GPC5: variants seen among roughly 807,000 people sequenced by gnomAD.
GPC5 encodes glypican-5.
Under a neutral mutation model 53.9 loss-of-function variants are expected in GPC5, and 47 were observed. The observed-to-expected ratio is 0.87, with a 90% confidence interval of 0.69 to 1.11. GPC5 has a LOEUF of 1.11. GPC5 is among the 50% of genes most tolerant of loss of function. The pLI, the probability that GPC5 is intolerant of heterozygous loss-of-function variation, is 0.00. For missense variants in GPC5, 748 were observed against 713.1 expected (o/e 1.05, Z -0.56); for synonymous variants, 286 against 263.3 (o/e 1.09, Z -0.84).
intron 2 of GPC5, among the ~76,000 whole-genome samples, chr13:91,538,839 T>C (rs5805704): frequency 0.08 from 11,068 of 138,092 alleles, 473 homozygotes; most frequent in Non-Finnish European, 0.089. Flanking sequence ...CGCCCCCCCC[T>C]CAGCCTCCCA....
intron 7 of GPC5, among the ~76,000 whole-genome samples, chr13:92,478,753 G>T (rs1205653654): frequency 6.6e-6 from 1 of 152,148 alleles, no homozygotes; most frequent in Non-Finnish European, 1.5e-5. Context: ...GAGTCCCACC[G>T]CAGGGCTTGA....
At chr13:91,863,972 TTGAG>T (rs1466273677) in intron 5 of GPC5, among the ~76,000 whole-genome samples, 1 of 152,232 alleles carries the variant, frequency 6.6e-6, no homozygotes, top group East Asian at 1.9e-4. Context: ...AAAGAAGTTA[TTGAG>T]TATTATTTAC....
intron 7 of GPC5, among the ~76,000 whole-genome samples, chr13:92,596,377 A>ATAT (rs1883881756): frequency 6.6e-6 from 1 of 152,178 alleles, no homozygotes; most frequent in Non-Finnish European, 1.5e-5. Context: ...CCCAACTAAG[A>ATAT]TATTAGAAAA....
chr13:92,772,009 A>G (rs1017323458), intron 7 of GPC5, among the ~76,000 whole-genome samples: 2 of 152,174 alleles, frequency 1.3e-5, no homozygotes, highest in African/African-American at 4.8e-5. Context: ...CTCATCTCCA[A>G]AATAATGAAT....
chr13:92,422,760 T>A (rs146896049), intron 7 of GPC5, among the ~76,000 whole-genome samples: 1 of 152,278 alleles, frequency 6.6e-6, no homozygotes, highest in African/African-American at 2.4e-5. Flanking sequence ...AAGTTGCCAT[T>A]TTTCTTTATA....
intron 7 of GPC5, among the ~76,000 whole-genome samples, chr13:92,823,149 G>A (rs1303863126): frequency 6.6e-6 from 1 of 152,038 alleles, no homozygotes; most frequent in Non-Finnish European, 1.5e-5. Flanking sequence ...AAATATTGCT[G>A]CCACTTAAAC....
At chr13:91,968,760 G>C (rs1345959713) in intron 6 of GPC5, among the ~76,000 whole-genome samples, 1 of 151,276 alleles carries the variant, frequency 6.6e-6, no homozygotes, top group African/African-American at 2.4e-5. Context: ...CTGCGCCCGG[G>C]CAATAATTCT....
chr13:92,279,255 C>T (rs1363582029), intron 7 of GPC5, among the ~76,000 whole-genome samples: 1 of 151,970 alleles, frequency 6.6e-6, no homozygotes, highest in African/African-American at 2.4e-5. Context: ...CTTACTTCTT[C>T]CTATGTATTG....
intron 7 of GPC5, among the ~76,000 whole-genome samples, chr13:92,746,685 A>AT (rs1889248822): frequency 6.6e-6 from 1 of 152,116 alleles, no homozygotes; most frequent in Admixed American, 6.6e-5. Context: ...GATTTCGTAG[A>AT]TTTTTAAGGA....
intron 6 of GPC5, among the ~76,000 whole-genome samples, chr13:91,988,901 A>G (rs2040432804): frequency 6.6e-6 from 1 of 152,004 alleles, no homozygotes; most frequent in African/African-American, 2.4e-5. Flanking sequence ...ATTGATTATC[A>G]TGTTTGAAAT....
At chr13:92,072,211 A>G (rs2041217958) in intron 6 of GPC5, among the ~76,000 whole-genome samples, 1 of 148,900 alleles carries the variant, frequency 6.7e-6, no homozygotes, top group Non-Finnish European at 1.5e-5. Flanking sequence ...ATGTATATAT[A>G]AATATATTTA....
intron 5 of GPC5, among the ~76,000 whole-genome samples, chr13:91,844,201 G>A (rs2038822744): frequency 6.6e-6 from 1 of 152,164 alleles, no homozygotes; most frequent in African/African-American, 2.4e-5. Flanking sequence ...TAAGAACAGA[G>A]TTTAAGGAAA....
chr13:92,606,287 T>C (rs1411496273), intron 7 of GPC5, among the ~76,000 whole-genome samples: 4 of 152,130 alleles, frequency 2.6e-5, no homozygotes, highest in Non-Finnish European at 4.4e-5. Flanking sequence ...CCACCCTTTG[T>C]CCAAGTGTTC....
intron 7 of GPC5, among the ~76,000 whole-genome samples, chr13:92,422,203 A>G (rs1014328337): frequency 6.6e-6 from 1 of 152,064 alleles, no homozygotes; most frequent in African/African-American, 2.4e-5. Context: ...AGTTTCTGAA[A>G]CTGAAGAGAA....
intron 2 of GPC5, among the ~76,000 whole-genome samples, chr13:91,473,271 G>C (rs775234995): frequency 1.3e-5 from 2 of 151,998 alleles, no homozygotes; most frequent in Non-Finnish European, 2.9e-5. Flanking sequence ...ATTACAGTTC[G>C]AGATGAGATT....
At chr13:91,850,063 A>G (rs2038896266) in intron 5 of GPC5, among the ~76,000 whole-genome samples, 2 of 152,172 alleles carry the variant, frequency 1.3e-5, no homozygotes, top group Admixed American at 1.3e-4. Flanking sequence ...GATTACTTGT[A>G]TCTTTCAACG....
At chr13:91,890,209 G>A (rs1400565716) in intron 5 of GPC5, among the ~76,000 whole-genome samples, 2 of 152,160 alleles carry the variant, frequency 1.3e-5, no homozygotes, top group Non-Finnish European at 2.9e-5. Context: ...TAAGATTGTG[G>A]TTTTTGCAGT....
At chr13:92,834,050 T>G (rs1878141085) in intron 7 of GPC5, among the ~76,000 whole-genome samples, 1 of 152,132 alleles carries the variant, frequency 6.6e-6, no homozygotes, top group Non-Finnish European at 1.5e-5. Context: ...AATAATGGTC[T>G]GGATTAGGGT....
At chr13:92,567,462 A>C (rs1882895449) in intron 7 of GPC5, among the ~76,000 whole-genome samples, 2 of 152,156 alleles carry the variant, frequency 1.3e-5, no homozygotes, top group African/African-American at 4.8e-5. Flanking sequence ...GTGTTCAGTT[A>C]CATGATCAAG....
Sources: allele counts gnomAD v4.1 joint callset (sites outside exome capture counted in the v4.1 genomes callset), GRCh38; gene constraint gnomAD v4.1.1; transcripts MANE v1.5; gene names NCBI Gene and HGNC (gene_info 2026-07-23, HGNC 2026-07-21).